Variants in PMEPA1 observed in about 807,000 individuals in gnomAD.
PMEPA1 encodes the protein prostate transmembrane protein, androgen induced 1.
In PMEPA1, 11 loss-of-function variants were observed where a neutral mutation model predicts 23.0. That is an observed-to-expected ratio of 0.48 (90% confidence interval 0.30 to 0.79). The LOEUF (loss-of-function observed/expected upper bound fraction) is 0.79. Among genes scored for constraint, PMEPA1 ranks in the 30% least tolerant of loss-of-function variants. The pLI is 0.06. For synonymous variants in PMEPA1, 204 were observed against 166.4 expected (o/e 1.23, Z -1.74); for missense variants, 377 against 390.9 (o/e 0.96, Z 0.30).
intron 1 of PMEPA1, among the ~76,000 whole-genome samples, chr20:57,684,501 A>G (rs551193898): frequency 3.3e-4 from 50 of 152,154 alleles, no homozygotes; most frequent in Non-Finnish European, 6.3e-4. Context: ...TGAAGGAGCC[A>G]AAGTGGGACC....
At chr20:57,699,506 C>G (rs549045427) in intron 1 of PMEPA1, among the ~76,000 whole-genome samples, 1 of 152,220 alleles carries the variant, frequency 6.6e-6, no homozygotes, top group African/African-American at 2.4e-5. Context: ...GTTAAAGAGC[C>G]CCAGGACCCC....
In PMEPA1 at chr20:57,649,112, C is replaced by G. The variant is rs951672174; in HGVS notation, c.*2941G>C. ...CAAGGCTAGAGAAAGCCACGCTCGGCCTTCTCTGAACCAGGATGGAACGGC... is the reference window on the plus strand; with the variant it reads ...CAAGGCTAGAGAAAGCCACGCTCGGGCTTCTCTGAACCAGGATGGAACGGC... On this transcript the variant is annotated 3_prime_UTR_variant, in exon 4 of 4. Transcript: ENST00000341744. 1 of 152,136 alleles carries G rather than the reference C, an allele frequency of 6.6e-6. No individual in the cohort carries two copies. The highest frequency in any genetic ancestry group is 2.4e-5 in the African/African-American group (1 of 41,402). 9.4% of individuals were successfully genotyped at this position (152,136 alleles called of 1,614,324 possible). A position where few individuals can be genotyped will look rare whatever the true frequency, so the allele number is the denominator to read the frequency against.
chr20:57,665,938 C>A (rs1205189350), intron 1 of PMEPA1, among the ~76,000 whole-genome samples: 1 of 152,230 alleles, frequency 6.6e-6, no homozygotes, highest in African/African-American at 2.4e-5. Flanking sequence ...CCCGCCGTGG[C>A]AACACAAGCC....
rs551031813 is a variant in PMEPA1 at position 57,652,239 on chromosome 20, C to T, written c.678G>A (p.Glu226=). 72 of 1,607,260 alleles carry T rather than the reference C, an allele frequency of 4.5e-5. 1 individual carries two copies. The highest frequency in any genetic ancestry group is 3.6e-4 in the East Asian group (16 of 44,834). The change falls in exon 4 of 4, where the codon GAG becomes GAA. Residue 226 remains glutamate (E), a synonymous_variant. Transcript: ENST00000341744. This position sits in a 1 kb window ranked among gnomAD's most constrained non-coding sequence, Gnocchi z 6.1. ...CCTCGCTGTAGGTGGGCGGCGGCCC[C>T]TCCATGCGCCCGCCGCTGCCGTAGC... is the stretch of plus-strand genomic sequence containing the variant. ...ATCYGSGGRM[E]GPPPTYSEVI...
upstream of PMEPA1, chr20:57,710,310 G>T (rs748455518): frequency 4.2e-4 from 330 of 790,168 alleles, no homozygotes; most frequent in Middle Eastern, 6.7e-4. Context: ...CACCCGGGCG[G>T]GTTGCTGGTG....
Position 57,652,093 on chromosome 20 carries a change from C to A in PMEPA1, c.824G>T (p.Trp275Leu), listed in dbSNP as rs779713789. The A allele has an allele frequency of 1.9e-6, 3 of 1,550,684 alleles. No homozygotes were observed. The South Asian group carries it at 3.6e-5, about 18-fold the overall frequency. Residue 275 changes from tryptophan (W) to leucine (L), a missense_variant, in exon 4 of 4, where the codon TGG becomes TTG. Trp to Leu is a moderately conservative substitution (Grantham distance 61, BLOSUM62 -2). Transcript: ENST00000341744. The surrounding 1 kb of genome is among the most constrained non-coding windows in gnomAD (Gnocchi z 6.1). ...TTTCTGTTTATCCTTCTCTTTGCTCCAGATGGCTGCGCTCTCTAGGGGCGC... is the reference window on the plus strand; with the variant it reads ...TTTCTGTTTATCCTTCTCTTTGCTCAAGATGGCTGCGCTCTCTAGGGGCGC... ...HIAPLESAAI[W>L]SKEKDKQKGH...
At chr20:57,701,416 A>G (rs921225722) in intron 1 of PMEPA1, among the ~76,000 whole-genome samples, 1 of 152,222 alleles carries the variant, frequency 6.6e-6, no homozygotes, top group African/African-American at 2.4e-5. Context: ...GGCCTGCAGC[A>G]AGCTCTGGCA....
chr20:57,659,300 G>A (rs1289305966), intron 2 of PMEPA1, among the ~76,000 whole-genome samples: 1 of 152,186 alleles, frequency 6.6e-6, no homozygotes, highest in Non-Finnish European at 1.5e-5. Flanking sequence ...AGTGGATCAC[G>A]AAGCCTCTTC....
chr20:57,656,988 G>A lies in PMEPA1; in HGVS notation c.264+2555C>T, dbSNP rs1259693766. ...TGCTTTAGGCCTAGTGAGGCTCCAC[G>A]TTTACCCAGCCAGGCATCCCGGGCG... On this transcript the variant is annotated intron_variant, in intron 2 of 3. Coordinates refer to ENST00000341744, the MANE Select transcript of PMEPA1 (RefSeq NM_020182.5). This position sits in a 1 kb window ranked among gnomAD's most constrained non-coding sequence, Gnocchi z 4.7. 1.3e-5 allele frequency among the ~76,000 whole-genome samples: 2 copies of A among 152,210 alleles called. No homozygotes were observed. The highest frequency in any genetic ancestry group is 2.9e-5 in the Non-Finnish European group (2 of 68,020).
chr20:57,664,950 C>A (rs1473557085), intron 1 of PMEPA1, among the ~76,000 whole-genome samples: 1 of 152,212 alleles, frequency 6.6e-6, no homozygotes, highest in Non-Finnish European at 1.5e-5. Flanking sequence ...ATCTGACAGA[C>A]TGCCCCTTTA....
chr20:57,665,400 G>C (rs1223150369), intron 1 of PMEPA1, among the ~76,000 whole-genome samples: 1 of 151,970 alleles, frequency 6.6e-6, no homozygotes, highest in Admixed American at 6.6e-5. Context: ...CCCCTGCCCC[G>C]GGAATCTGAG....
At chr20:57,688,271 G>GT (rs763739902) in intron 1 of PMEPA1, among the ~76,000 whole-genome samples, 21 of 152,220 alleles carry the variant, frequency 1.4e-4, no homozygotes, top group Non-Finnish European at 2.6e-4. Flanking sequence ...GGAGAGGGGG[G>GT]TGTCTGGGGC....
chr20:57,663,980 T>C (rs1312434863), intron 1 of PMEPA1, among the ~76,000 whole-genome samples: 1 of 152,190 alleles, frequency 6.6e-6, no homozygotes, highest in Non-Finnish European at 1.5e-5. Flanking sequence ...CCCTTGGGCA[T>C]GGGGTGAGGA....
chr20:57,665,481 CCTT>C (rs986173104), intron 1 of PMEPA1, among the ~76,000 whole-genome samples: 2 of 149,190 alleles, frequency 1.3e-5, no homozygotes, highest in African/African-American at 2.5e-5. Context: ...GCATCTACCT[CCTT>C]GAGAGGAAGT....
chr20:57,688,104 G>A (rs1483130172), intron 1 of PMEPA1, among the ~76,000 whole-genome samples: 2 of 152,256 alleles, frequency 1.3e-5, no homozygotes, highest in East Asian at 3.9e-4. Context: ...CTCCGCCTCG[G>A]GACGGCCTCA....
rs1180930537 is a variant in PMEPA1 at position 57,673,839 on chromosome 20, C to T, written c.110-14142G>A. Among the ~76,000 whole-genome samples the T allele has an allele frequency of 4.6e-5, 7 of 152,270 alleles. 1 individual carries two copies. The highest frequency in any genetic ancestry group is 6.8e-3 in the Middle Eastern group (2 of 294). ...TGTGGCACACACCTGCACCCTAGTCCGGACCCTGCTACCTGCCACCTGAGT... is the reference window on the plus strand; with the variant it reads ...TGTGGCACACACCTGCACCCTAGTCTGGACCCTGCTACCTGCCACCTGAGT... On this transcript the variant is annotated intron_variant, in intron 1 of 3. Coordinates refer to ENST00000341744, the MANE Select transcript of PMEPA1 (RefSeq NM_020182.5).
intron 2 of PMEPA1, among the ~76,000 whole-genome samples, chr20:57,657,925 C>T (rs1391188967): frequency 2.0e-5 from 3 of 152,326 alleles, no homozygotes; most frequent in South Asian, 4.1e-4. Context: ...GGGCTGGCCA[C>T]GTGCCACCTC....
chr20:57,699,424 A>T (rs1263308979), intron 1 of PMEPA1, among the ~76,000 whole-genome samples: 2 of 152,254 alleles, frequency 1.3e-5, no homozygotes, highest in Non-Finnish European at 2.9e-5. Flanking sequence ...CTAGTTTATA[A>T]ATCAGTCAGC....
At chr20:57,710,802 G>A (rs2072171562), upstream of PMEPA1, 2 of 308,260 alleles carry the variant, frequency 6.5e-6, no homozygotes, top group Non-Finnish European at 1.2e-5. Flanking sequence ...AGTGCTACAA[G>A]AACACATTCT....
Sources: gnomAD v4.1 joint callset for allele counts (sites outside exome capture counted in the v4.1 genomes callset) on GRCh38, gnomAD v4.1.1 for gene constraint, Gnocchi (gnomAD v3.1) non-coding constraint, MANE v1.5 for transcripts, NCBI Gene and HGNC (gene_info 2026-07-23, HGNC 2026-07-21) for gene names.